CNTN6: variants seen among roughly 807,000 people sequenced by gnomAD.
CNTN6 encodes the protein contactin-6.
CNTN6 carries 137 observed loss-of-function variants against 122.8 expected under a neutral mutation model. That is an observed-to-expected ratio of 1.12 (90% CI 0.97 to 1.29). CNTN6 has a LOEUF of 1.29. CNTN6 is among the 50% of genes most tolerant of loss of function. The pLI is 0.00. For missense variants in CNTN6, 1,634 were observed against 1,223.4 expected, an observed-to-expected ratio of 1.34 and a Z score of -5.01; for synonymous variants, 570 against 426.0, an observed-to-expected ratio of 1.34 and a Z score of -4.16.
chr3:1,258,664 T>C (rs2094797567), intron 4 of CNTN6, among the ~76,000 whole-genome samples: 1 of 152,096 alleles, frequency 6.6e-6, no homozygotes, highest in Non-Finnish European at 1.5e-5. Flanking sequence ...CTTTTTCAAC[T>C]TTTTCTCCTC....
intron 4 of CNTN6, among the ~76,000 whole-genome samples, chr3:1,251,922 T>C (rs2094677727): frequency 6.6e-6 from 1 of 152,192 alleles, no homozygotes; most frequent in Non-Finnish European, 1.5e-5. Flanking sequence ...GGATGGACTT[T>C]GGCTGTACTT....
At chr3:1,108,339 A>G (rs1246968967) in intron 1 of CNTN6, among the ~76,000 whole-genome samples, 1 of 152,078 alleles carries the variant, frequency 6.6e-6, no homozygotes, top group Non-Finnish European at 1.5e-5. Context: ...TGTAAAAACA[A>G]AATTCATTTG....
At chr3:1,245,303 T>TATATATATATATAAC (rs2094562938) in intron 4 of CNTN6, among the ~76,000 whole-genome samples, 1 of 7,340 alleles carries the variant, frequency 1.4e-4, no homozygotes. Flanking sequence ...AACATATATA[T>TATATATATATATAAC]ATATATATAT....
chr3:1,325,940 C>T lies in CNTN6; in HGVS notation c.1072C>T (p.Leu358Phe), dbSNP rs772822431. Reference protein sequence around the residue: ...WYTWLKNGERLNPEERIQIEN... With the variant: ...WYTWLKNGERFNPEERIQIEN... ...TACATGGTTAAAAAATGGTGAACGA[C>T]TCAACCCAGAGGTAAGCAACTATGT... is the stretch of plus-strand genomic sequence containing the variant. The change falls in exon 9 of 23, where the codon CTC becomes TTC. Residue 358 changes from leucine to phenylalanine, a missense_variant. Leu to Phe is a conservative substitution (Grantham distance 22). Coordinates refer to ENST00000446702, the MANE Select transcript of CNTN6 (RefSeq NM_001289080.2). 8 of 1,610,610 alleles carry T rather than the reference C, an allele frequency of 5.0e-6. No individual in the cohort carries two copies. The Admixed American group carries it at 1.0e-4, about 20-fold the overall frequency.
intron 19 of CNTN6, among the ~76,000 whole-genome samples, chr3:1,384,774 T>TATATATATATATATATATATATATACAC (rs1575997767): frequency 9.4e-6 from 1 of 106,442 alleles, no homozygotes; most frequent in East Asian, 2.4e-4. Flanking sequence ...TATATACACA[T>TATATATATATATATATATATATATACAC]ATATATATAT....
At chr3:1,287,681 GA>G (rs11442077) in intron 5 of CNTN6, among the ~76,000 whole-genome samples, 5 of 151,986 alleles carry the variant, frequency 3.3e-5, no homozygotes, top group African/African-American at 1.2e-4. Context: ...CCAAGATGGT[GA>G]AAAAAGCTAT....
intron 1 of CNTN6, among the ~76,000 whole-genome samples, chr3:1,104,741 ATG>A (rs2091134418): frequency 6.6e-6 from 1 of 152,128 alleles, no homozygotes; most frequent in South Asian, 2.1e-4. Flanking sequence ...CATCTTGTAT[ATG>A]TGTGTACGTG....
chr3:1,233,722 G>A (rs193011655), intron 4 of CNTN6, among the ~76,000 whole-genome samples: 2 of 108,996 alleles, frequency 1.8e-5, no homozygotes, highest in Admixed American at 1.2e-4. Flanking sequence ...GCAACAGAAC[G>A]AGACTCTGTC....
At chr3:1,349,535 G>A (rs570259466) in intron 11 of CNTN6, among the ~76,000 whole-genome samples, 3 of 151,746 alleles carry the variant, frequency 2.0e-5, no homozygotes, top group Non-Finnish European at 4.4e-5. Context: ...AAAAAAATCA[G>A]TCTCTCTCTA....
chr3:1,252,959 G>A (rs962539166), intron 4 of CNTN6, among the ~76,000 whole-genome samples: 13 of 152,292 alleles, frequency 8.5e-5, no homozygotes, highest in Admixed American at 8.5e-4. Flanking sequence ...GGTATAGCAT[G>A]AACAATGTCG....
Position 1,321,807 on chromosome 3 carries a change from C to A in CNTN6, c.919C>A (p.Leu307Ile). 1 of 1,608,076 alleles carries A rather than the reference C, an allele frequency of 6.2e-7. No homozygotes were observed. Among genetic ancestry groups the A allele is most frequent in the Admixed American group, 1.7e-5 (1 of 59,244 alleles). Residue 307 changes from leucine (L) to isoleucine (I), a missense_variant, in exon 8 of 23, where the codon CTT becomes ATT. Coordinates refer to ENST00000446702, the MANE Select transcript of CNTN6 (RefSeq NM_001289080.2). The stretch of plus-strand genomic sequence containing the variant: ...TGCAAGCAACCTTCGAGGAAGAAAC[C>A]TTGCAAAGGGTCAACTCATTTTTTA... ...CIASNLRGRN[L>I]AKGQLIFYAP... is the part of the protein sequence containing the mutation.
intron 1 of CNTN6, among the ~76,000 whole-genome samples, chr3:1,121,399 C>CTCACA (rs1382636201): frequency 6.6e-6 from 1 of 151,830 alleles, no homozygotes; most frequent in African/African-American, 2.4e-5. Context: ...TGTTATGAAG[C>CTCACA]TCATGTTGCA....
intron 4 of CNTN6, among the ~76,000 whole-genome samples, chr3:1,235,325 G>A (rs1204346834): frequency 6.6e-6 from 1 of 151,988 alleles, no homozygotes; most frequent in Non-Finnish European, 1.5e-5. Context: ...TTGACAAACT[G>A]TTTCAAGGAA....
chr3:1,361,690 G>T (rs1707485661), intron 12 of CNTN6, among the ~76,000 whole-genome samples: 1 of 152,016 alleles, frequency 6.6e-6, no homozygotes, highest in Non-Finnish European at 1.5e-5. Flanking sequence ...GTCTTAACTA[G>T]TTGAAGTAAG....
At chr3:1,131,428 A>T (rs200024531) in intron 1 of CNTN6, among the ~76,000 whole-genome samples, 3 of 532 alleles carry the variant, frequency 5.6e-3, no homozygotes, top group Admixed American at 0.019. Context: ...GCTCTCCTTG[A>T]CCTTGAGTTA....
At position 1,220,850 on chromosome 3, in the gene CNTN6, C is replaced by A. The variant is rs115962754; in HGVS notation, c.182+37C>A. ...CCTGTGGGCACCACACTATTTTGTT[C>A]TTCCTCACTGAACCAAAACATACAC... On this transcript the variant is annotated intron_variant, in intron 3 of 22. Coordinates refer to ENST00000446702, the MANE Select transcript of CNTN6 (RefSeq NM_001289080.2). 1.2e-3 allele frequency: 1,916 copies of A among 1,561,490 alleles called. 11 individuals carry two copies. In the African/African-American group the frequency reaches 0.019, roughly 16 times the overall value.
At chr3:1,331,627 A>C (rs538665632) in intron 11 of CNTN6, among the ~76,000 whole-genome samples, 4 of 152,058 alleles carry the variant, frequency 2.6e-5, no homozygotes, top group African/African-American at 9.6e-5. Context: ...ACAGAAAAAC[A>C]TAAGAGATCC....
intron 16 of CNTN6, among the ~76,000 whole-genome samples, chr3:1,374,964 T>C (rs556366781): frequency 6.6e-6 from 1 of 152,064 alleles, no homozygotes; most frequent in Non-Finnish European, 1.5e-5. Context: ...ATCCCTTTGT[T>C]TTACAGAAGA....
chr3:1,354,621 A>C (rs1347000815), intron 12 of CNTN6, among the ~76,000 whole-genome samples: 2 of 151,572 alleles, frequency 1.3e-5, no homozygotes, highest in African/African-American at 4.8e-5. Context: ...TGTTTTAATC[A>C]ATGATGAATC....
Sources: allele counts gnomAD v4.1 joint callset (sites outside exome capture counted in the v4.1 genomes callset), GRCh38; gene constraint gnomAD v4.1.1; transcripts MANE v1.5; gene names NCBI Gene and HGNC (gene_info 2026-07-23, HGNC 2026-07-21).